Variants in CASZ1 observed in about 807,000 individuals in gnomAD.
CASZ1 encodes castor zinc finger 1, also known as zinc finger protein castor homolog 1.
In CASZ1, 28 loss-of-function variants were observed where a neutral mutation model predicts 135.2. That is an observed-to-expected ratio of 0.21 (90% CI 0.15 to 0.28). The LOEUF is 0.28. Ranked by LOEUF, CASZ1 falls within the 10% of genes least tolerant of loss-of-function variation. The probability of loss-of-function intolerance (pLI) is 1.00; values close to 1 mark genes in which losing one functional copy is unlikely to be tolerated. For missense variants in CASZ1, 2,161 were observed against 2,453.3 expected (o/e 0.88, Z 2.52); for synonymous variants, 1,068 against 1,073.4 (o/e 0.99, Z 0.10).
intron 2 of CASZ1, among the ~76,000 whole-genome samples, chr1:10,710,356 A>T (rs890586018): frequency 6.6e-6 from 1 of 152,100 alleles, no homozygotes; most frequent in African/African-American, 2.4e-5. Context: ...GCTCCAGGAG[A>T]AAAGCTGGCC....
intron 5 of CASZ1, among the ~76,000 whole-genome samples, chr1:10,661,692 T>C (rs1366382427): frequency 6.7e-6 from 1 of 149,816 alleles, no homozygotes; most frequent in African/African-American, 2.5e-5. Context: ...CACACATGCA[T>C]TCTCAAACAC....
chr1:10,773,370 G>A (rs905030347), intron 1 of CASZ1, among the ~76,000 whole-genome samples: 2 of 148,988 alleles, frequency 1.3e-5, no homozygotes, highest in Admixed American at 1.3e-4. Flanking sequence ...GACGTGGGCA[G>A]AGACAGGAAG....
chr1:10,717,826 C>T lies in CASZ1; in HGVS notation c.-76-12282G>A, dbSNP rs924616971. Among the ~76,000 whole-genome samples, 2 of 152,206 alleles carry T rather than the reference C, an allele frequency of 1.3e-5. No individual in the cohort carries two copies. Among genetic ancestry groups the T allele is most frequent in the Non-Finnish European group, 2.9e-5 (2 of 68,038 alleles). ...AGAGACGTCCTGCACCGGAGGACGT[C>T]CTCATAAACAGAACAATCCTGTGGT... On this transcript the variant is annotated intron_variant, in intron 2 of 20. Coordinates refer to ENST00000377022, the MANE Select transcript of CASZ1 (RefSeq NM_001079843.3). This position sits in a 1 kb window ranked among gnomAD's most constrained non-coding sequence, Gnocchi z 4.6.
chr1:10,716,036 A>ACCCC (rs1639384649), intron 2 of CASZ1, among the ~76,000 whole-genome samples: 4 of 89,350 alleles, frequency 4.5e-5, no homozygotes, highest in Non-Finnish European at 6.4e-5. Context: ...CCCAATCCAC[A>ACCCC]ACCCACAGCA....
Position 10,747,254 on chromosome 1 carries a change from G to A in CASZ1, c.-77+13447C>T, listed in dbSNP as rs1210466907. ...GGGGCTGGGAAGCAAAGGGGAAGCCGTCCTTGGGAAGGTGGGGTCTGCAGA... is the reference window on the plus strand; with the variant it reads ...GGGGCTGGGAAGCAAAGGGGAAGCCATCCTTGGGAAGGTGGGGTCTGCAGA... On this transcript the variant is annotated intron_variant, in intron 2 of 20. Coordinates refer to ENST00000377022, the MANE Select transcript of CASZ1 (RefSeq NM_001079843.3). The surrounding 1 kb of genome is among the most constrained non-coding windows in gnomAD (Gnocchi z 4.3). Among the ~76,000 whole-genome samples the A allele has an allele frequency of 6.6e-6, 1 of 152,226 alleles. No individual in the cohort carries two copies. Among genetic ancestry groups the A allele is most frequent in the African/African-American group, 2.4e-5 (1 of 41,454 alleles).
intron 3 of CASZ1, among the ~76,000 whole-genome samples, chr1:10,698,758 G>A (rs1438894571): frequency 6.6e-6 from 1 of 152,176 alleles, no homozygotes; most frequent in Non-Finnish European, 1.5e-5. Flanking sequence ...ACCCCAGCGA[G>A]CTCCTCCAAA....
In CASZ1 at chr1:10,638,877, G is replaced by A. The variant is rs1570388025; in HGVS notation, c.*65C>T. ...CGGGGCTCTGCCCAGGGGCCGCTTC[G>A]CGCGGGGCGGCGCCGCTCCCGAGGC... On this transcript the variant is annotated 3_prime_UTR_variant, in exon 21 of 21. Transcript: ENST00000377022. The surrounding 1 kb of genome is among the most constrained non-coding windows in gnomAD (Gnocchi z 5.9). The A allele has an allele frequency of 1.1e-5, 11 of 981,584 alleles. No individual in the cohort carries two copies. Among genetic ancestry groups the A allele is most frequent in the Non-Finnish European group, 1.3e-5 (11 of 828,282 alleles). The allele number at this position is 981,584 out of a possible 1,614,324, so 60.8% of individuals were successfully genotyped here.
Position 10,647,509 on chromosome 1 carries a change from C to T in CASZ1, c.3497+292G>A. ...GCTGGGAGTTGTCCTCTGAGGACCACCACGCCCAGTCCACCCCACCTGGCC... is the reference window on the plus strand; with the variant it reads ...GCTGGGAGTTGTCCTCTGAGGACCATCACGCCCAGTCCACCCCACCTGGCC... On this transcript the variant is annotated intron_variant, in intron 16 of 20. Coordinates refer to ENST00000377022, the MANE Select transcript of CASZ1 (RefSeq NM_001079843.3). This position sits in a 1 kb window ranked among gnomAD's most constrained non-coding sequence, Gnocchi z 4.9. 7.6e-7 allele frequency: 1 copy of T among 1,319,858 alleles called. No homozygotes were observed. The highest frequency in any genetic ancestry group is 9.7e-7 in the Non-Finnish European group (1 of 1,027,726). The allele number at this position is 1,319,858 out of a possible 1,614,324, so 81.8% of individuals were successfully genotyped here.
In CASZ1 at chr1:10,794,680, A is replaced by C. The variant is rs191325098; in HGVS notation, c.-234+1884T>G. On this transcript the variant is annotated intron_variant, in intron 1 of 20. Coordinates refer to ENST00000377022, the MANE Select transcript of CASZ1 (RefSeq NM_001079843.3). This position sits in a 1 kb window ranked among gnomAD's most constrained non-coding sequence, Gnocchi z 5.6. Reference sequence around the variant, plus strand: ...CTCAGCGCTCCACTAGCCTCCCCCAACTCCGGACCCGGGTCGGGGATGACT... The same window carrying C: ...CTCAGCGCTCCACTAGCCTCCCCCACCTCCGGACCCGGGTCGGGGATGACT... Among the ~76,000 whole-genome samples the C allele has an allele frequency of 6.6e-6, 1 of 151,844 alleles. No individual in the cohort carries two copies. The highest frequency in any genetic ancestry group is 1.5e-5 in the Non-Finnish European group (1 of 67,950).
At chr1:10,753,141 T>C (rs950076199) in intron 2 of CASZ1, among the ~76,000 whole-genome samples, 1 of 152,206 alleles carries the variant, frequency 6.6e-6, no homozygotes, top group Non-Finnish European at 1.5e-5. Flanking sequence ...TCCGTGCTAT[T>C]TGTGTGAAAT....
At chr1:10,729,653 C>T (rs867152077) in intron 2 of CASZ1, among the ~76,000 whole-genome samples, 25 of 152,358 alleles carry the variant, frequency 1.6e-4, no homozygotes, top group African/African-American at 6.0e-4. Flanking sequence ...AACACAGTTT[C>T]TACGTGCCCT....
rs944623235 is a variant in CASZ1 at position 10,707,914 on chromosome 1, G to A, written c.-76-2370C>T. Among the ~76,000 whole-genome samples, 5 of 152,094 alleles carry A rather than the reference G, an allele frequency of 3.3e-5. No individual in the cohort carries two copies. The highest frequency in any genetic ancestry group is 9.7e-5 in the African/African-American group (4 of 41,396). ...ACTGGGAAGACCCAGAGGACAGCAGGGGCCCTACACTCAGCGGGGCTGAAG... is the reference window on the plus strand; with the variant it reads ...ACTGGGAAGACCCAGAGGACAGCAGAGGCCCTACACTCAGCGGGGCTGAAG... On this transcript the variant is annotated intron_variant, in intron 2 of 20. Coordinates refer to ENST00000377022, the MANE Select transcript of CASZ1 (RefSeq NM_001079843.3). The surrounding 1 kb of genome is among the most constrained non-coding windows in gnomAD (Gnocchi z 5.0).
intron 1 of CASZ1, among the ~76,000 whole-genome samples, chr1:10,793,151 A>C (rs1640994006): frequency 6.6e-6 from 1 of 151,698 alleles, no homozygotes; most frequent in South Asian, 2.1e-4. Flanking sequence ...AGGGAGTTTC[A>C]TATTTAACTG....
In CASZ1 at chr1:10,639,188, C is replaced by A; in HGVS notation, c.5034G>T (p.Glu1678Asp). 4.0e-6 allele frequency: 4 copies of A among 1,000,556 alleles called. 1 individual carries two copies. The highest frequency in any genetic ancestry group is 7.9e-5 in the South Asian group (2 of 25,240). The allele number at this position is 1,000,556 out of a possible 1,614,324, so 62.0% of individuals were successfully genotyped here. Reference sequence around the variant, plus strand: ...CCTCCGGCAGCTCCAGCTCCTCCTCCTCGTCCTCCTGCGAGGACTCCCCAG... The same window carrying A: ...CCTCCGGCAGCTCCAGCTCCTCCTCATCGTCCTCCTGCGAGGACTCCCCAG... The part of the protein sequence containing the change: ...AAAGESSQED[E>D]EEELELPEEE... The change falls in exon 21 of 21, where the codon GAG (glutamate) becomes GAT (aspartate). Residue 1678 changes from glutamate (E) to aspartate (D), a missense_variant. Around this residue, in one of 7 missense-constraint regions of CASZ1, gnomAD observed 185 missense variants for 134.7 expected, o/e 1.37. Coordinates refer to ENST00000377022, the MANE Select transcript of CASZ1 (RefSeq NM_001079843.3). This position sits in a 1 kb window ranked among gnomAD's most constrained non-coding sequence, Gnocchi z 4.0.
intron 3 of CASZ1, 54 bp from the exon 4 acceptor site, chr1:10,693,966 G>C: frequency 6.4e-7 from 1 of 1,550,608 alleles, no homozygotes; most frequent in Non-Finnish European, 8.8e-7. Context: ...CGGGGTTAGC[G>C]TCTCGCGGGA....
At chr1:10,690,658 A>C (rs764357709) in intron 4 of CASZ1, among the ~76,000 whole-genome samples, 1 of 151,948 alleles carries the variant, frequency 6.6e-6, no homozygotes, top group South Asian at 2.1e-4. Context: ...ACACATGGGC[A>C]GCACTGTCCC....
chr1:10,653,640 G>C lies in CASZ1; in HGVS notation c.2417C>G (p.Ala806Gly). 6.5e-7 allele frequency: 1 copy of C among 1,550,338 alleles called. No homozygotes were observed. Among genetic ancestry groups the C allele is most frequent in the South Asian group, 1.2e-5 (1 of 80,550 alleles). Reference sequence around the variant, plus strand: ...AGGCAGGGAGGTGCTCCCACGGCCAGCCAGTATGGGGAAGTAGGGCGTGGG... The same window carrying C: ...AGGCAGGGAGGTGCTCCCACGGCCACCCAGTATGGGGAAGTAGGGCGTGGG... Reference protein sequence around the residue: ...PTPTPYFPILAGRGSTSLPVG... With the variant: ...PTPTPYFPILGGRGSTSLPVG... The change falls in exon 11 of 21, where the codon GCT (alanine) becomes GGT (glycine). Residue 806 changes from alanine to glycine, a missense_variant. By Grantham distance (60) the Ala-to-Gly change is moderately conservative (BLOSUM62 0). Transcript: ENST00000377022.
intron 1 of CASZ1, among the ~76,000 whole-genome samples, chr1:10,790,378 A>G (rs1371111356): frequency 6.6e-6 from 1 of 152,156 alleles, no homozygotes; most frequent in Non-Finnish European, 1.5e-5. Context: ...AAATGTCTAT[A>G]AATTAAATCT....
At chr1:10,653,259 C>G in intron 11 of CASZ1, 118 bp downstream of exon 11, 3 of 1,073,592 alleles carry the variant, frequency 2.8e-6, no homozygotes, top group Non-Finnish European at 4.3e-6. Context: ...TGCTGGCAAG[C>G]AGGGGCCACA....
Sources: gnomAD v4.1 joint callset for allele counts (sites outside exome capture counted in the v4.1 genomes callset) on GRCh38, gnomAD v4.1.1 for gene constraint, gnomAD v4.1.1 regional missense constraint, Gnocchi (gnomAD v3.1) non-coding constraint, MANE v1.5 for transcripts, NCBI Gene and HGNC (gene_info 2026-07-23, HGNC 2026-07-21) for gene names.